Variants in PKD2L2 observed in about 807,000 individuals in gnomAD.
PKD2L2 encodes polycystin-2-like protein 2.
In PKD2L2, 67 loss-of-function variants were observed where a neutral mutation model predicts 83.9. That is an observed-to-expected ratio of 0.80 (90% CI 0.66 to 0.98). The LOEUF is 0.98. Ranked by LOEUF, PKD2L2 falls within the 50% of genes least tolerant of loss-of-function variation. The pLI, the probability that PKD2L2 is intolerant of heterozygous loss-of-function variation, is 0.00. For missense variants in PKD2L2, 632 were observed against 717.2 expected, an observed-to-expected ratio of 0.88 and a Z score of 1.36; for synonymous variants, 223 against 237.8, an observed-to-expected ratio of 0.94 and a Z score of 0.57.
Position 137,908,770 on chromosome 5 carries a change from C to T in PKD2L2, c.1152C>T (p.Phe384=), listed in dbSNP as rs759334997. ...ITIFFAWIKI[F]KFISFNKTMS... ...TTAACTTTGTTCTTTTTCAGATATT[C>T]AAATTCATAAGCTTTAACAAGACAA... The change falls in exon 8 of 15, where the codon TTC becomes TTT. Residue 384 remains phenylalanine (F), a synonymous_variant. Coordinates refer to ENST00000508883, the MANE Select transcript of PKD2L2 (RefSeq NM_001300921.2). 12 of 1,511,708 alleles carry T rather than the reference C, an allele frequency of 7.9e-6. No homozygotes were observed. Among genetic ancestry groups the T allele is most frequent in the African/African-American group, 2.8e-5 (2 of 71,114 alleles). The allele number at this position is 1,511,708 out of a possible 1,614,324, so 93.6% of individuals were successfully genotyped here.
chr5:137,893,680 A>G (rs774183176), intron 3 of PKD2L2, among the ~76,000 whole-genome samples: 7 of 152,232 alleles, frequency 4.6e-5, no homozygotes, highest in Non-Finnish European at 7.3e-5. Context: ...GACAGAGTTC[A>G]TATCATGAAT....
chr5:137,923,022 T>C (rs1244568113), intron 9 of PKD2L2, among the ~76,000 whole-genome samples: 1 of 151,554 alleles, frequency 6.6e-6, no homozygotes, highest in Non-Finnish European at 1.5e-5. Context: ...TTTTCTTTTT[T>C]TTTTTTTTAG....
chr5:137,920,701 G>A (rs1758815201), intron 8 of PKD2L2, among the ~76,000 whole-genome samples: 1 of 151,088 alleles, frequency 6.6e-6, no homozygotes, highest in African/African-American at 2.4e-5. Context: ...AGGTTGTGGT[G>A]AGCCGAGATC....
At chr5:137,908,012 A>G in intron 7 of PKD2L2, 100 bp downstream of exon 7, 1 of 551,976 alleles carries the variant, frequency 1.8e-6, no homozygotes, top group South Asian at 4.3e-5. Flanking sequence ...TTCAACTATT[A>G]AGTAATTTTA....
rs76372252 is a variant in PKD2L2, at chr5:137,918,695, A to C, written c.1329-2941A>C. Among the ~76,000 whole-genome samples, 849 of 152,316 alleles carry C rather than the reference A, an allele frequency of 5.6e-3. 9 individuals carry two copies. Among genetic ancestry groups the C allele is most frequent in the African/African-American group, 0.019 (801 of 41,568 alleles). On this transcript the variant is annotated intron_variant, in intron 8 of 14. Transcript: ENST00000508883. ...CAAAATTAACAGCAATTTACTGTCCAAGCCTTTCCCTGGAAGTTGCAGGCC... is the reference window on the plus strand; with the variant it reads ...CAAAATTAACAGCAATTTACTGTCCCAGCCTTTCCCTGGAAGTTGCAGGCC...
At chr5:137,906,127 T>A (rs1440874261) in intron 5 of PKD2L2, 79 bp from the exon 6 acceptor site, 7 of 806,276 alleles carry the variant, frequency 8.7e-6, no homozygotes, top group Non-Finnish European at 1.4e-5. Flanking sequence ...TACATAATCA[T>A]TGATTGAAAA....
At chr5:137,922,512 C>T (rs1371689123) in intron 9 of PKD2L2, among the ~76,000 whole-genome samples, 3 of 152,118 alleles carry the variant, frequency 2.0e-5, no homozygotes, top group Non-Finnish European at 4.4e-5. Flanking sequence ...CAGAGGCAGG[C>T]GGATCGCTTG....
At chr5:137,895,563 C>T (rs1367744207) in intron 4 of PKD2L2, among the ~76,000 whole-genome samples, 4 of 151,166 alleles carry the variant, frequency 2.6e-5, no homozygotes, top group Admixed American at 6.6e-5. Flanking sequence ...CTGCTGGTAT[C>T]AGTGCAGTGC....
intron 4 of PKD2L2, among the ~76,000 whole-genome samples, chr5:137,895,894 AG>A (rs1756420777): frequency 7.2e-6 from 1 of 139,480 alleles, no homozygotes. Flanking sequence ...AAAAAAAAAA[AG>A]GCCAAGTGTG....
chr5:137,893,504 C>T (rs770564349), intron 3 of PKD2L2, among the ~76,000 whole-genome samples: 12 of 152,256 alleles, frequency 7.9e-5, no homozygotes, highest in African/African-American at 2.9e-4. Flanking sequence ...AGGCAGAGAA[C>T]GCTTCCAGTG....
chr5:137,940,416 T>A, intron 14 of PKD2L2: 1 of 1,078,000 alleles, frequency 9.3e-7, no homozygotes, highest in East Asian at 2.4e-5. Context: ...AAAGTTGTCT[T>A]AATATGAGAC....
chr5:137,912,604 T>TG (rs1561689732), intron 8 of PKD2L2, among the ~76,000 whole-genome samples: 1 of 152,116 alleles, frequency 6.6e-6, no homozygotes, highest in East Asian at 1.9e-4. Context: ...TGACCTCAAG[T>TG]GATCCACCAG....
chr5:137,896,968 T>C (rs973959417), intron 4 of PKD2L2, among the ~76,000 whole-genome samples: 5 of 150,166 alleles, frequency 3.3e-5, no homozygotes, highest in Admixed American at 6.7e-5. Flanking sequence ...GAGTTTGTAG[T>C]GTTCCTGAGG....
chr5:137,893,292 T>G (rs1228054926), intron 3 of PKD2L2, among the ~76,000 whole-genome samples: 4 of 152,120 alleles, frequency 2.6e-5, no homozygotes, highest in Non-Finnish European at 4.4e-5. Flanking sequence ...ATAATAAAAT[T>G]TATATATAAG....
chr5:137,902,014 G>A (rs1757001679), intron 5 of PKD2L2, among the ~76,000 whole-genome samples: 1 of 151,778 alleles, frequency 6.6e-6, no homozygotes, highest in Non-Finnish European at 1.5e-5. Context: ...AAAAAAAAGT[G>A]GGAGGGTGAA....
chr5:137,904,249 C>T (rs1757188895), intron 5 of PKD2L2, among the ~76,000 whole-genome samples: 1 of 152,092 alleles, frequency 6.6e-6, no homozygotes, highest in Non-Finnish European at 1.5e-5. Context: ...AAAGGATTTG[C>T]TCTAGAATCA....
intron 8 of PKD2L2, among the ~76,000 whole-genome samples, chr5:137,913,871 CTTT>C (rs757741042): frequency 2.9e-5 from 4 of 139,896 alleles, no homozygotes; most frequent in African/African-American, 7.8e-5. Context: ...TTTTCTTTTC[CTTT>C]TTTTTTTTTT....
intron 8 of PKD2L2, among the ~76,000 whole-genome samples, chr5:137,916,342 A>G: frequency 6.6e-6 from 1 of 151,488 alleles, no homozygotes; most frequent in East Asian, 1.9e-4. Context: ...TACCCAGCTA[A>G]TTTTTTATAT....
At chr5:137,900,138 C>T (rs985667932) in intron 5 of PKD2L2, among the ~76,000 whole-genome samples, 1 of 152,196 alleles carries the variant, frequency 6.6e-6, no homozygotes, top group African/African-American at 2.4e-5. Flanking sequence ...AGATGTAGTA[C>T]TATATCATAA....
Sources: allele counts gnomAD v4.1 joint callset (sites outside exome capture counted in the v4.1 genomes callset), GRCh38; gene constraint gnomAD v4.1.1; transcripts MANE v1.5; gene names NCBI Gene and HGNC (gene_info 2026-07-23, HGNC 2026-07-21).